Variants in DDX60 observed in about 807,000 individuals in gnomAD.
DDX60 encodes the protein probable ATP-dependent RNA helicase DDX60.
A neutral mutation model predicts 212.8 loss-of-function variants in DDX60; 165 were observed. That is an observed-to-expected ratio of 0.78 (90% CI 0.68 to 0.88). The LOEUF (loss-of-function observed/expected upper bound fraction) is 0.88, where lower values mean the gene tolerates loss of function less well. Among genes scored for constraint, DDX60 ranks in the 40% least tolerant of loss-of-function variants. The pLI, the probability that DDX60 is intolerant of heterozygous loss-of-function variation, is 0.00. For missense variants in DDX60, 1,905 were observed against 2,003.9 expected (o/e 0.95, Z 0.94); for synonymous variants, 703 against 685.3 (o/e 1.03, Z -0.40).
chr4:168,308,514 C>A (rs1209962660), intron 3 of DDX60, among the ~76,000 whole-genome samples: 1 of 151,902 alleles, frequency 6.6e-6, no homozygotes, highest in Non-Finnish European at 1.5e-5. Flanking sequence ...GCTTAATCAA[C>A]CTCAGCCCCT....
At chr4:168,253,807 C>T (rs563593114) in intron 26 of DDX60, among the ~76,000 whole-genome samples, 1 of 152,210 alleles carries the variant, frequency 6.6e-6, no homozygotes, top group African/African-American at 2.4e-5. Context: ...CCTCCGTAAA[C>T]CCTGGCTTAG....
At chr4:168,262,217 A>G (rs567355314) in intron 23 of DDX60, 89 bp from the exon 24 acceptor site, 2 of 1,409,844 alleles carry the variant, frequency 1.4e-6, no homozygotes, top group South Asian at 2.9e-5. Flanking sequence ...ACAGCCTTAC[A>G]AGTTTCTTGA....
intron 3 of DDX60, among the ~76,000 whole-genome samples, chr4:168,309,109 A>C (rs1005254572): frequency 6.6e-6 from 1 of 152,172 alleles, no homozygotes; most frequent in Non-Finnish European, 1.5e-5. Context: ...TACTGTAATA[A>C]CTTTGTAGCC....
At chr4:168,252,758 G>T in intron 26 of DDX60, 102 bp from the exon 27 acceptor site, 1 of 793,796 alleles carries the variant, frequency 1.3e-6, no homozygotes, top group Non-Finnish European at 2.0e-6. Flanking sequence ...TCCCAAGTCA[G>T]TCTTCTCACC....
chr4:168,311,663 G>C (rs1235232771), intron 1 of DDX60, among the ~76,000 whole-genome samples: 1 of 152,144 alleles, frequency 6.6e-6, no homozygotes. Context: ...TAGCATTTCT[G>C]GCAGAGGAAA....
Position 168,262,745 on chromosome 4 carries a change from G to A in DDX60, c.3082C>T (p.Arg1028Ter), listed in dbSNP as rs1423108699. 4.3e-6 allele frequency: 7 copies of A among 1,612,134 alleles called. No homozygotes were observed. Among genetic ancestry groups the A allele is most frequent in the East Asian group, 2.2e-5 (1 of 44,678 alleles). Reference sequence around the variant, plus strand: ...GCATCATACAGCTGGATGCTTTCTCGAGGTGAAAGGGTAAGATCAGGAGGG... The same window carrying A: ...GCATCATACAGCTGGATGCTTTCTCAAGGTGAAAGGGTAAGATCAGGAGGG... ...GFPPDLTLSP[R>*]ESIQLYDAMF... Residue 1028 changes from arginine (R) to a stop codon, truncating the protein, a stop_gained, in exon 23 of 38, where the codon CGA (arginine) becomes TGA (stop). Transcript: ENST00000393743. LOFTEE classifies it high-confidence loss of function.
At chr4:168,219,355 A>G (rs1732967330) in intron 37 of DDX60, among the ~76,000 whole-genome samples, 1 of 152,020 alleles carries the variant, frequency 6.6e-6, no homozygotes, top group Non-Finnish European at 1.5e-5. Context: ...GTCTCATACC[A>G]ACAATGCTTC....
chr4:168,295,981 A>G (rs1470417335), intron 6 of DDX60, among the ~76,000 whole-genome samples: 2 of 152,166 alleles, frequency 1.3e-5, no homozygotes, highest in Admixed American at 6.5e-5. Flanking sequence ...TAGAGAAGAG[A>G]AACTCTTCTC....
intron 6 of DDX60, among the ~76,000 whole-genome samples, chr4:168,299,881 T>A (rs1736574576): frequency 7.5e-6 from 1 of 134,002 alleles, no homozygotes; most frequent in South Asian, 2.4e-4. Flanking sequence ...GACTAGATAA[T>A]CCCAATGATC....
Position 168,228,861 on chromosome 4 carries a change from A to G in DDX60, c.4534-3185T>C, listed in dbSNP as rs146241344. Among the ~76,000 whole-genome samples, 1,057 of 152,214 alleles carry G rather than the reference A, an allele frequency of 6.9e-3. 8 individuals are homozygous for G. The highest frequency in any genetic ancestry group is 0.025 in the African/African-American group (1,024 of 41,554). ...ATAGCAATGAATAACCTCAGATTTCACATCTGAAAACATCTTAATTTTATC... is the reference window on the plus strand; with the variant it reads ...ATAGCAATGAATAACCTCAGATTTCGCATCTGAAAACATCTTAATTTTATC... On this transcript the variant is annotated intron_variant, in intron 33 of 37. Coordinates refer to ENST00000393743, the MANE Select transcript of DDX60 (RefSeq NM_017631.6).
chr4:168,285,896 AAAGGAAGGAAGGAAGGAAGG>A (rs368802134), intron 10 of DDX60, among the ~76,000 whole-genome samples: 44,565 of 114,524 alleles, frequency 0.39, 8,707 homozygotes, highest in African/African-American at 0.51. Flanking sequence ...AGGAGGGAAG[AAAGGAAGGAAGGAAGGAAGG>A]AAGGAAGGAA....
upstream of DDX60, among the ~76,000 whole-genome samples, chr4:168,321,216 G>T (rs556533247): frequency 6.6e-6 from 1 of 151,856 alleles, no homozygotes; most frequent in East Asian, 1.9e-4. Flanking sequence ...TGATAGTCAC[G>T]TACTTTATTT....
chr4:168,262,085 A>G lies in DDX60; in HGVS notation c.3188T>C (p.Val1063Ala). 1 of 1,596,946 alleles carries G rather than the reference A, an allele frequency of 6.3e-7. No homozygotes were observed. Among genetic ancestry groups the G allele is most frequent in the Non-Finnish European group, 8.5e-7 (1 of 1,174,796 alleles). Residue 1063 changes from valine (V) to alanine (A), a missense_variant, in exon 24 of 38, where the codon GTC (valine) becomes GCC (alanine). By Grantham distance (64) the Val-to-Ala change is moderately conservative (BLOSUM62 0). Transcript: ENST00000393743. The part of the protein sequence containing the change: ...ENFIHFNNKL[V>A]IKKMDARKYE... ...TTTCCTAGCATCCATCTTTTTAATG[A>G]CTAATTTATTGTTAAAATGAATGAA...
chr4:168,229,017 G>A (rs1733354655), intron 33 of DDX60, among the ~76,000 whole-genome samples: 1 of 152,060 alleles, frequency 6.6e-6, no homozygotes. Flanking sequence ...TGGCAGACAA[G>A]AGGCAGAACT....
chr4:168,271,896 T>G, intron 19 of DDX60, 147 bp downstream of exon 19: 1 of 643,498 alleles, frequency 1.6e-6, no homozygotes, highest in Non-Finnish European at 2.7e-6. Flanking sequence ...AAGTGATTTT[T>G]CCTGAAAAAT....
chr4:168,257,422 A>C (rs1734459171), intron 25 of DDX60, among the ~76,000 whole-genome samples: 1 of 152,146 alleles, frequency 6.6e-6, no homozygotes, highest in Non-Finnish European at 1.5e-5. Context: ...ATTAATATTA[A>C]TATTTCTATT....
At chr4:168,281,699 G>C (rs1329246190) in intron 13 of DDX60, among the ~76,000 whole-genome samples, 1 of 152,174 alleles carries the variant, frequency 6.6e-6, no homozygotes, top group Non-Finnish European at 1.5e-5. Flanking sequence ...GTATTAGCAA[G>C]AGGATTCCAA....
intron 27 of DDX60, 68 bp downstream of exon 27, chr4:168,252,441 T>G: frequency 1.9e-6 from 3 of 1,577,178 alleles, no homozygotes; most frequent in Non-Finnish European, 2.6e-6. Context: ...TTAAGCATTA[T>G]CTACAACTAA....
intron 35 of DDX60, 140 bp downstream of exon 35, chr4:168,224,103 C>A (rs925263811): frequency 2.3e-6 from 2 of 862,766 alleles, no homozygotes; most frequent in East Asian, 5.3e-5. Flanking sequence ...GCACCAATTC[C>A]TGAATATATC....
Sources: allele counts gnomAD v4.1 joint callset (sites outside exome capture counted in the v4.1 genomes callset), GRCh38; gene constraint gnomAD v4.1.1; transcripts MANE v1.5; gene names NCBI Gene and HGNC (gene_info 2026-07-23, HGNC 2026-07-21).